Variants in PPP1R9A observed in about 807,000 individuals in gnomAD.
The protein encoded by PPP1R9A is neurabin-1.
Under a neutral mutation model 141.9 loss-of-function variants are expected in PPP1R9A, and 59 were observed. The ratio of observed to expected loss-of-function variants is 0.42; its 90% CI spans 0.34 to 0.52. The LOEUF (loss-of-function observed/expected upper bound fraction) is 0.52. Among genes scored for constraint, PPP1R9A ranks in the 20% least tolerant of loss-of-function variants. The pLI, the probability that PPP1R9A is intolerant of heterozygous loss-of-function variation, is 0.10. For missense variants in PPP1R9A, 1,444 were observed against 1,611.9 expected (o/e 0.90, Z 1.78); for synonymous variants, 500 against 569.7 (o/e 0.88, Z 1.74).
At chr7:95,086,350 C>G (rs1816632863) in intron 2 of PPP1R9A, among the ~76,000 whole-genome samples, 1 of 151,916 alleles carries the variant, frequency 6.6e-6, no homozygotes, top group South Asian at 2.1e-4. Context: ...GTGTCATAAA[C>G]TTTGACACAA....
At chr7:95,224,036 T>A (rs1794813483) in intron 7 of PPP1R9A, among the ~76,000 whole-genome samples, 1 of 152,042 alleles carries the variant, frequency 6.6e-6, no homozygotes, top group African/African-American at 2.4e-5. Flanking sequence ...AATTAGAGTT[T>A]TTTAAGATTT....
At chr7:94,957,272 C>T (rs1797172235) in intron 2 of PPP1R9A, among the ~76,000 whole-genome samples, 1 of 152,092 alleles carries the variant, frequency 6.6e-6, no homozygotes, top group African/African-American at 2.4e-5. Context: ...TTCAGTCTAG[C>T]TGCTTGGGTG....
chr7:95,178,398 A>G (rs1481884959), intron 5 of PPP1R9A, among the ~76,000 whole-genome samples: 1 of 152,138 alleles, frequency 6.6e-6, no homozygotes, highest in Non-Finnish European at 1.5e-5. Context: ...CTAAGAGGAA[A>G]GTTCATGGCC....
chr7:95,013,442 T>G (rs1804694016), intron 2 of PPP1R9A, among the ~76,000 whole-genome samples: 1 of 152,138 alleles, frequency 6.6e-6, no homozygotes, highest in African/African-American at 2.4e-5. Flanking sequence ...ATATAGTTTC[T>G]CTGTCCCTGC....
chr7:95,205,044 C>A (rs1790493732), intron 7 of PPP1R9A, among the ~76,000 whole-genome samples: 1 of 151,916 alleles, frequency 6.6e-6, no homozygotes, highest in African/African-American at 2.4e-5. Flanking sequence ...CACTCTGATC[C>A]CACGGGGTAG....
At position 95,254,969 on chromosome 7, in the gene PPP1R9A, A is replaced by G. The variant is rs147865422; in HGVS notation, c.2665+2839A>G. The stretch of plus-strand genomic sequence containing the variant: ...ATCATCAGTACAAATTTGTTATTTA[A>G]TATATTGTAACACTTTTATCTTATC... On this transcript the variant is annotated intron_variant, in intron 12 of 19. Transcript: ENST00000433360. Among the ~76,000 whole-genome samples the G allele has an allele frequency of 1.8e-3, 277 of 152,236 alleles. 2 individuals are homozygous for G. Among genetic ancestry groups the G allele is most frequent in the African/African-American group, 5.8e-3 (239 of 41,544 alleles).
At chr7:94,909,809 G>A (rs1791258231) in intron 1 of PPP1R9A, 89 bp from the exon 2 acceptor site, 1 of 199,186 alleles carries the variant, frequency 5.0e-6, no homozygotes, top group Non-Finnish European at 1.0e-5. Context: ...ACGTGGCTAA[G>A]CCATTTGGAA....
intron 6 of PPP1R9A, among the ~76,000 whole-genome samples, 182 bp downstream of exon 6, chr7:95,198,666 A>G (rs1019624905): frequency 6.6e-6 from 1 of 152,250 alleles, no homozygotes; most frequent in Admixed American, 6.5e-5. Context: ...GAATCAAGTC[A>G]TGGTATCCTG....
intron 12 of PPP1R9A, among the ~76,000 whole-genome samples, chr7:95,264,487 T>C (rs749821887): frequency 3.3e-5 from 5 of 152,182 alleles, no homozygotes; most frequent in Non-Finnish European, 5.9e-5. Flanking sequence ...AGGGAACTGG[T>C]CTCTGTGTAA....
intron 2 of PPP1R9A, among the ~76,000 whole-genome samples, chr7:94,964,966 C>T (rs530711208): frequency 2.0e-5 from 3 of 152,296 alleles, no homozygotes; most frequent in African/African-American, 7.2e-5. Flanking sequence ...TCCTATTTCT[C>T]CACATCCTCT....
chr7:95,190,353 G>A (rs997234675), intron 5 of PPP1R9A, among the ~76,000 whole-genome samples: 4 of 152,212 alleles, frequency 2.6e-5, no homozygotes, highest in Non-Finnish European at 4.4e-5. Context: ...GGAAATGTCT[G>A]TAAAGAATCC....
At chr7:95,089,715 A>C (rs1393677112) in intron 2 of PPP1R9A, among the ~76,000 whole-genome samples, 1 of 134,344 alleles carries the variant, frequency 7.4e-6, no homozygotes, top group East Asian at 1.9e-4. Flanking sequence ...TATATTTTAG[A>C]AGCTCGTTTT....
rs113911059 is a variant in PPP1R9A, at chr7:95,024,731, A to G, written c.1396-86528A>G. 6.5e-3 allele frequency among the ~76,000 whole-genome samples: 991 copies of G among 152,196 alleles called. 13 individuals are homozygous for G. Among genetic ancestry groups the G allele is most frequent in the African/African-American group, 0.023 (946 of 41,514 alleles). On this transcript the variant is annotated intron_variant, in intron 2 of 19. Transcript: ENST00000433360. ...CCGATAGGTTTTGAGCCTTTATCCA[A>G]TTTGCCAGTCTGTGTCTTTTAATTG...
At chr7:95,168,523 GAA>G (rs58105470) in intron 5 of PPP1R9A, among the ~76,000 whole-genome samples, 15 of 148,276 alleles carry the variant, frequency 1.0e-4, no homozygotes, top group East Asian at 2.0e-4. Flanking sequence ...CACAGGCAAT[GAA>G]AAAAAAAAAG....
chr7:95,274,434 CA>C (rs1407325271), intron 16 of PPP1R9A, among the ~76,000 whole-genome samples: 2 of 152,186 alleles, frequency 1.3e-5, no homozygotes, highest in African/African-American at 4.8e-5. Flanking sequence ...AAATTCAGCA[CA>C]AATATATCTA....
At chr7:95,274,532 G>A (rs1802808912) in intron 16 of PPP1R9A, among the ~76,000 whole-genome samples, 2 of 152,178 alleles carry the variant, frequency 1.3e-5, no homozygotes, top group South Asian at 2.1e-4. Flanking sequence ...ATTGTATTAA[G>A]TCTAAAAGGA....
intron 16 of PPP1R9A, among the ~76,000 whole-genome samples, chr7:95,283,320 A>G (rs1042582596): frequency 2.0e-5 from 3 of 152,200 alleles, no homozygotes; most frequent in Non-Finnish European, 2.9e-5. Flanking sequence ...CACATATCTC[A>G]TTTAATTCTT....
rs181028741 is a variant in PPP1R9A at position 95,256,987 on chromosome 7, A to G, written c.2665+4857A>G. On this transcript the variant is annotated intron_variant, in intron 12 of 19. Coordinates refer to ENST00000433360, the MANE Select transcript of PPP1R9A (RefSeq NM_001166160.2). Reference sequence around the variant, plus strand: ...ATATTATAAAAATGCTTTTTATGCAAAATTAATCTATATATCCCATGCAGT... The same window carrying G: ...ATATTATAAAAATGCTTTTTATGCAGAATTAATCTATATATCCCATGCAGT... Among the ~76,000 whole-genome samples the G allele has an allele frequency of 4.6e-3, 699 of 152,292 alleles. 5 individuals are homozygous for G. The highest frequency in any genetic ancestry group is 0.016 in the African/African-American group (658 of 41,578).
chr7:95,075,518 T>G (rs575536127), intron 2 of PPP1R9A, among the ~76,000 whole-genome samples: 18 of 152,194 alleles, frequency 1.2e-4, no homozygotes, highest in African/African-American at 4.1e-4. Context: ...ATATACCAAC[T>G]TAACAAAAGG....
Sources: allele counts gnomAD v4.1 joint callset (sites outside exome capture counted in the v4.1 genomes callset), GRCh38; gene constraint gnomAD v4.1.1; transcripts MANE v1.5; gene names NCBI Gene and HGNC (gene_info 2026-07-23, HGNC 2026-07-21).